The following TEX15 variants were observed in gnomAD, a reference collection of about 807,000 sequenced individuals.
TEX15 encodes the protein testis expressed 15, meiosis and synapsis associated, also known as testis-expressed protein 15.
In TEX15, 171 loss-of-function variants were observed where a neutral mutation model predicts 237.3. The observed-to-expected ratio is 0.72, with a 90% CI of 0.64 to 0.82. The LOEUF is 0.82. Among genes scored for constraint, TEX15 ranks in the 40% least tolerant of loss-of-function variants. The pLI, the probability that TEX15 is intolerant of heterozygous loss-of-function variation, is 0.00. For synonymous variants in TEX15, 1,338 were observed against 1,269.8 expected, an observed-to-expected ratio of 1.05 and a Z score of -1.14; for missense variants, 3,750 against 3,646.5, an observed-to-expected ratio of 1.03 and a Z score of -0.73.
Position 30,847,824 on chromosome 8 carries a change from T to C in TEX15, c.2343A>G (p.Thr781=). 6.2e-7 allele frequency: 1 copy of C among 1,613,936 alleles called. No homozygotes were observed. The highest frequency in any genetic ancestry group is 8.5e-7 in the Non-Finnish European group (1 of 1,179,946). ...IPQAKEMFID[T]VISSYNIETA... ...TTTCTATGTTATAAGATGAAATAACTGTATCAATGAACATTTCTTTGGCCT... is the reference window on the plus strand; with the variant it reads ...TTTCTATGTTATAAGATGAAATAACCGTATCAATGAACATTTCTTTGGCCT... Residue 781 remains threonine (T), a synonymous_variant, in exon 8 of 11, where the codon ACA becomes ACG. Transcript: ENST00000643185.
chr8:30,895,586 T>A (rs1808885683), intron 2 of TEX15, among the ~76,000 whole-genome samples: 1 of 148,856 alleles, frequency 6.7e-6, no homozygotes, highest in Admixed American at 6.7e-5. Context: ...GAGCTCAGAC[T>A]CAACACCTAT....
chr8:30,869,321 G>GC (rs1419408382), intron 4 of TEX15, among the ~76,000 whole-genome samples: 1 of 151,880 alleles, frequency 6.6e-6, no homozygotes, highest in Non-Finnish European at 1.5e-5. Context: ...TTGAAACTGT[G>GC]CCCCCAAGAA....
intron 2 of TEX15, among the ~76,000 whole-genome samples, chr8:30,890,955 T>C (rs1396260282): frequency 1.3e-5 from 2 of 152,238 alleles, no homozygotes; most frequent in African/African-American, 2.4e-5. Flanking sequence ...GGACTCCATA[T>C]ACAAATAAAT....
At chr8:30,907,121 T>G (rs1479960037) in intron 1 of TEX15, among the ~76,000 whole-genome samples, 1 of 152,104 alleles carries the variant, frequency 6.6e-6, no homozygotes, top group East Asian at 1.9e-4. Context: ...CACTGAAGAA[T>G]TTGTTGTTGA....
chr8:30,864,618 G>GAAAAAA (rs200930589), intron 5 of TEX15, among the ~76,000 whole-genome samples: 1 of 81,398 alleles, frequency 1.2e-5, no homozygotes, highest in African/African-American at 3.5e-5. Context: ...TCCCAGACCA[G>GAAAAAA]AAAAAAAAAA....
chr8:30,831,563 T>C lies in TEX15; in HGVS notation c.*1723A>G, dbSNP rs1403002422. ...ACACACTTGAAGCAAAAATATTCCA[T>C]GTTTTAATATTCTGTCACGTACAGA... On this transcript the variant is annotated 3_prime_UTR_variant, in exon 11 of 11. Coordinates refer to ENST00000643185, the MANE Select transcript of TEX15 (RefSeq NM_001350162.2). 6.6e-6 allele frequency: 1 copy of C among 152,204 alleles called. No homozygotes were observed. Among genetic ancestry groups the C allele is most frequent in the East Asian group, 1.9e-4 (1 of 5,204 alleles). The allele number at this position is 152,204 out of a possible 1,614,324, so 9.4% of individuals were successfully genotyped here. A position where few individuals can be genotyped will look rare whatever the true frequency, so the allele number is the denominator to read the frequency against.
chr8:30,875,199 T>C (rs772197240), intron 3 of TEX15, 97 bp from the exon 4 acceptor site: 118 of 805,560 alleles, frequency 1.5e-4, no homozygotes, highest in Admixed American at 4.3e-4. Flanking sequence ...AATAACTAAG[T>C]ACTGGAATTT....
At chr8:30,888,773 G>T in intron 2 of TEX15, 1 of 665,230 alleles carries the variant, frequency 1.5e-6, no homozygotes, top group Non-Finnish European at 2.3e-6. Flanking sequence ...GGTTCACAAG[G>T]ATGTCCCTCT....
At position 30,842,201 on chromosome 8, in the gene TEX15, TTTC is replaced by T. The variant is rs1807473617; in HGVS notation, c.7963_7965del (p.Glu2655del). ...GGTTTTACAATATGAATATTCATTT[TTTC>T]TTTTCTCTTCAGCTGTAAAATCTTC... On this transcript the variant is annotated inframe_deletion, in exon 8 of 11. Coordinates refer to ENST00000643185, the MANE Select transcript of TEX15 (RefSeq NM_001350162.2). 6.2e-7 allele frequency: 1 copy of T among 1,611,926 alleles called. No homozygotes were observed.
chr8:30,876,430 C>T (rs1808401669), intron 3 of TEX15, among the ~76,000 whole-genome samples: 1 of 152,154 alleles, frequency 6.6e-6, no homozygotes, highest in Non-Finnish European at 1.5e-5. Flanking sequence ...CTTTTAGCTT[C>T]ACAACAATGC....
At position 30,848,663 on chromosome 8, in the gene TEX15, A is replaced by T. The variant is rs752507982; in HGVS notation, c.1504T>A (p.Ser502Thr). The T allele has an allele frequency of 6.2e-7, 1 of 1,614,198 alleles. No individual in the cohort carries two copies. Among genetic ancestry groups the T allele is most frequent in the Non-Finnish European group, 8.5e-7 (1 of 1,180,034 alleles). ...NGLDTPCFKT[S>T]VNDSQSWAHN... is the part of the protein sequence containing the mutation. ...GCCCAAGATTGTGAATCATTAACAG[A>T]AGTTTTAAAGCAAGGGGTATCCAAA... The change falls in exon 8 of 11, where the codon TCT becomes ACT. Residue 502 changes from serine to threonine, a missense_variant. Physicochemically the swap from Ser to Thr is moderately conservative, Grantham distance 58. Transcript: ENST00000643185.
In TEX15 at chr8:30,837,148, C is replaced by T; in HGVS notation, c.9136G>A (p.Val3046Ile). The change falls in exon 10 of 11, where the codon GTT becomes ATT. Residue 3046 changes from valine (V) to isoleucine (I), a missense_variant. By Grantham distance (29) the Val-to-Ile change is conservative. Transcript: ENST00000643185. ...GTSYPYSAWC[V>I]YQYSNSNGNA... The stretch of plus-strand genomic sequence containing the variant: ...CCATTGCTGTTGCTGTACTGATAAA[C>T]ACACCAAGCAGAGTATGGATATGAA... The T allele has an allele frequency of 6.2e-7, 1 of 1,614,016 alleles. No homozygotes were observed. The highest frequency in any genetic ancestry group is 8.5e-7 in the Non-Finnish European group (1 of 1,179,952).
intron 3 of TEX15, among the ~76,000 whole-genome samples, chr8:30,886,666 C>T (rs1442796412): frequency 6.6e-6 from 1 of 152,154 alleles, no homozygotes; most frequent in Non-Finnish European, 1.5e-5. Flanking sequence ...CTGCCATCAC[C>T]CCAGTGGGAA....
At chr8:30,907,553 AATTT>A (rs1809130943) in intron 1 of TEX15, among the ~76,000 whole-genome samples, 1 of 142,182 alleles carries the variant, frequency 7.0e-6, no homozygotes. Flanking sequence ...GTATATACAA[AATTT>A]ATATATAATT....
intron 2 of TEX15, among the ~76,000 whole-genome samples, chr8:30,892,658 G>A (rs988267127): frequency 1.3e-5 from 2 of 151,942 alleles, no homozygotes; most frequent in African/African-American, 4.8e-5. Context: ...TTCTTTTAAA[G>A]TATTTATTCT....
chr8:30,858,115 AGT>A (rs1253860244), intron 7 of TEX15, among the ~76,000 whole-genome samples: 1 of 152,226 alleles, frequency 6.6e-6, no homozygotes, highest in South Asian at 2.1e-4. Flanking sequence ...GATAGTGTAC[AGT>A]GTGTCTACAC....
chr8:30,898,000 T>TAA (rs1217273728), intron 2 of TEX15, among the ~76,000 whole-genome samples: 2 of 152,168 alleles, frequency 1.3e-5, no homozygotes, highest in African/African-American at 2.4e-5. Flanking sequence ...GTTCAAACAG[T>TAA]AATTCCAAAC....
At chr8:30,886,634 C>A (rs2128775908) in intron 3 of TEX15, among the ~76,000 whole-genome samples, 1 of 152,286 alleles carries the variant, frequency 6.6e-6, no homozygotes, top group Non-Finnish European at 1.5e-5. Context: ...GGTCAGAGTC[C>A]AGGATCCCCA....
chr8:30,834,991 T>G (rs1042267335), intron 10 of TEX15, among the ~76,000 whole-genome samples: 1 of 152,168 alleles, frequency 6.6e-6, no homozygotes, highest in Non-Finnish European at 1.5e-5. Flanking sequence ...AGAAATTCTC[T>G]GGGCCTGATG....
Sources: allele counts gnomAD v4.1 joint callset (sites outside exome capture counted in the v4.1 genomes callset), GRCh38; gene constraint gnomAD v4.1.1; transcripts MANE v1.5; gene names NCBI Gene and HGNC (gene_info 2026-07-23, HGNC 2026-07-21).